The following BDNF variants were observed in gnomAD, a reference collection of about 807,000 sequenced individuals.
The protein encoded by BDNF is brain derived neurotrophic factor, also known as neurotrophic factor BDNF precursor form.
In BDNF, 1 loss-of-function variant was observed where a neutral mutation model predicts 19.5. That is an observed-to-expected ratio of 0.05 (90% CI 0.02 to 0.24). The LOEUF is 0.24. BDNF is among the 10% of genes least tolerant of loss of function. The probability of loss-of-function intolerance (pLI) is 1.00; values close to 1 mark genes in which losing one functional copy is unlikely to be tolerated. For missense variants in BDNF, 195 were observed against 317.6 expected, an observed-to-expected ratio of 0.61 and a Z score of 2.93; for synonymous variants, 100 against 121.6, an observed-to-expected ratio of 0.82 and a Z score of 1.17.
chr11:27,712,796 T>A (rs1009061033), intron 1 of BDNF, among the ~76,000 whole-genome samples: 1 of 151,678 alleles, frequency 6.6e-6, no homozygotes, highest in East Asian at 1.9e-4. Flanking sequence ...ATTACAGGTG[T>A]GAGCCGTCGC....
upstream of BDNF, chr11:27,700,945 G>T (rs890028306): frequency 1.5e-6 from 2 of 1,352,624 alleles, no homozygotes; most frequent in Non-Finnish European, 2.0e-6. Flanking sequence ...GGGAGAGGGC[G>T]TGCGTTTCCC....
rs528535517 is a variant in BDNF, at chr11:27,670,111, T to G, written c.-21-11526A>C. On this transcript the variant is annotated intron_variant, in intron 1 of 1. Transcript: ENST00000356660. The stretch of plus-strand genomic sequence containing the variant: ...GCCCTCAGAAACAATACCACACATC[T>G]ACAACCATCTGATCTTTGACAAACC... 2.0e-4 allele frequency among the ~76,000 whole-genome samples: 30 copies of G among 152,264 alleles called. 1 individual carries two copies. The South Asian group carries it at 5.0e-3, about 25-fold the overall frequency.
chr11:27,661,913 C>T (rs1245412435), intron 1 of BDNF, among the ~76,000 whole-genome samples: 1 of 152,170 alleles, frequency 6.6e-6, no homozygotes, highest in Admixed American at 6.5e-5. Context: ...ATGCATGCCC[C>T]TTTCTCTAAT....
intron 1 of BDNF, among the ~76,000 whole-genome samples, chr11:27,663,973 C>A (rs1053977875): frequency 6.6e-6 from 1 of 151,676 alleles, no homozygotes; most frequent in African/African-American, 2.4e-5. Flanking sequence ...CATGTTAGAA[C>A]TAAGTTTCTA....
At chr11:27,703,262 A>G (rs1038380121), upstream of BDNF, among the ~76,000 whole-genome samples, 3 of 152,204 alleles carry the variant, frequency 2.0e-5, no homozygotes, top group African/African-American at 7.2e-5. Flanking sequence ...TTAGTAGCAC[A>G]ATACAATTTA....
At chr11:27,691,333 G>C (rs1858250036) in intron 1 of BDNF, among the ~76,000 whole-genome samples, 1 of 152,122 alleles carries the variant, frequency 6.6e-6, no homozygotes, top group South Asian at 2.1e-4. Context: ...AGCACCTGAA[G>C]ATATATGGAT....
At chr11:27,674,476 G>A (rs938916910) in intron 1 of BDNF, 11 of 1,407,002 alleles carry the variant, frequency 7.8e-6, no homozygotes, top group East Asian at 5.1e-5. Flanking sequence ...TCAACAGCAC[G>A]AGTAAGGCAG....
intron 1 of BDNF, among the ~76,000 whole-genome samples, chr11:27,697,156 CACACACACAGAGAG>C (rs1859137910): frequency 1.4e-5 from 1 of 69,336 alleles, no homozygotes; most frequent in South Asian, 6.5e-4. Context: ...CACACACACA[CACACACACAGAGAG>C]AGAGAGAGAG....
upstream of BDNF, among the ~76,000 whole-genome samples, chr11:27,701,989 C>A (rs1180736605): frequency 4.0e-5 from 6 of 151,200 alleles, no homozygotes; most frequent in African/African-American, 1.5e-4. Flanking sequence ...CCACTGCCCG[C>A]AGCAAAAGAG....
intron 1 of BDNF, chr11:27,677,817 G>A (rs1856361213): frequency 6.6e-6 from 1 of 152,110 alleles, no homozygotes; most frequent in Non-Finnish European, 1.5e-5. Context: ...ATTTAATCTA[G>A]TGGCTTTACT....
intron 1 of BDNF, chr11:27,698,288 A>T (rs958122111): frequency 2.0e-5 from 3 of 151,482 alleles, no homozygotes; most frequent in Non-Finnish European, 1.5e-5. Flanking sequence ...AAATCAGAAA[A>T]CAGGAACAGG....
chr11:27,672,868 A>C (rs1286105674), intron 1 of BDNF, among the ~76,000 whole-genome samples: 1 of 152,166 alleles, frequency 6.6e-6, no homozygotes, highest in African/African-American at 2.4e-5. Context: ...GCAGCTTTGC[A>C]AGTAGAACTG....
chr11:27,711,065 C>A (rs1346284035), intron 1 of BDNF, among the ~76,000 whole-genome samples: 2 of 152,074 alleles, frequency 1.3e-5, no homozygotes, highest in Non-Finnish European at 2.9e-5. Flanking sequence ...TAGTGATTTG[C>A]AGATTAGTGA....
At chr11:27,674,018 A>C (rs754800004) in intron 1 of BDNF, 10 of 1,501,916 alleles carry the variant, frequency 6.7e-6, no homozygotes, top group Non-Finnish European at 8.0e-6. Flanking sequence ...TGGGGGAAAG[A>C]TAAAATTAGC....
At chr11:27,697,164 C>CAGAGAGAGAGAGAGAGAGAGAGAGAG (rs72348822) in intron 1 of BDNF, among the ~76,000 whole-genome samples, 4 of 133,086 alleles carry the variant, frequency 3.0e-5, no homozygotes, top group African/African-American at 1.2e-4. Context: ...CACACACACA[C>CAGAGAGAGAGAGAGAGAGAGAGAGAG]AGAGAGAGAG....
At chr11:27,702,041 C>T (rs966557698), upstream of BDNF, among the ~76,000 whole-genome samples, 1 of 151,900 alleles carries the variant, frequency 6.6e-6, no homozygotes, top group African/African-American at 2.4e-5. Context: ...AGCCAAGACC[C>T]TTGAAGAGAA....
intron 1 of BDNF, among the ~76,000 whole-genome samples, chr11:27,681,724 A>C (rs1002415155): frequency 1.3e-5 from 2 of 152,192 alleles, no homozygotes; most frequent in African/African-American, 4.8e-5. Context: ...CAAGTCTAAA[A>C]AAAGTATCTT....
upstream of BDNF, among the ~76,000 whole-genome samples, chr11:27,703,763 A>G (rs577510017): frequency 6.6e-6 from 1 of 152,348 alleles, no homozygotes; most frequent in Non-Finnish European, 1.5e-5. Context: ...TCAGATGCCA[A>G]TTCAGATAAC....
intron 1 of BDNF, among the ~76,000 whole-genome samples, chr11:27,661,559 C>G (rs567563635): frequency 5.3e-5 from 8 of 152,320 alleles, no homozygotes; most frequent in African/African-American, 1.9e-4. Flanking sequence ...GTATCAGACA[C>G]TCTTTCTGCT....
Sources: allele counts gnomAD v4.1 joint callset (sites outside exome capture counted in the v4.1 genomes callset), GRCh38; gene constraint gnomAD v4.1.1; transcripts MANE v1.5; gene names NCBI Gene and HGNC (gene_info 2026-07-23, HGNC 2026-07-21).